CSPP1: variants seen among roughly 807,000 people sequenced by gnomAD.
CSPP1 encodes the protein centrosome and spindle pole associated protein 1, also known as centrosome and spindle pole-associated protein 1.
In CSPP1, 126 loss-of-function variants were observed where a neutral mutation model predicts 164.4. The observed-to-expected ratio is 0.77, with a 90% CI of 0.66 to 0.89. CSPP1 has a LOEUF of 0.89. Among genes scored for constraint, CSPP1 ranks in the 40% least tolerant of loss-of-function variants. CSPP1 has a pLI of 0.00. For missense variants in CSPP1, 1,395 were observed against 1,449.8 expected (o/e 0.96, Z 0.61); for synonymous variants, 472 against 476.7 (o/e 0.99, Z 0.13).
In CSPP1 at chr8:67,158,459, A is replaced by T; in HGVS notation, c.2254A>T (p.Lys752Ter). 6.3e-7 allele frequency: 1 copy of T among 1,599,214 alleles called. No individual in the cohort carries two copies. The highest frequency in any genetic ancestry group is 8.5e-7 in the Non-Finnish European group (1 of 1,174,424). The change falls in exon 20 of 31, where the codon AAA becomes TAA. Residue 752 changes from lysine (K) to a stop codon, truncating the protein, a stop_gained. Coordinates refer to ENST00000678616, the MANE Select transcript of CSPP1 (RefSeq NM_001382391.1). LOFTEE classifies it high-confidence loss of function. ...NFLRFQIEEK[K>*]QREEAERERL... is the part of the protein sequence containing the mutation. ...TTTAATTCTTTAGATTGAGGAAAAGAAACAAAGAGAGGAAGCAGAGCGAGA... is the reference window on the plus strand; with the variant it reads ...TTTAATTCTTTAGATTGAGGAAAAGTAACAAAGAGAGGAAGCAGAGCGAGA...
chr8:67,127,883 C>T (rs568969816), intron 15 of CSPP1, among the ~76,000 whole-genome samples: 7 of 152,278 alleles, frequency 4.6e-5, no homozygotes, highest in African/African-American at 1.7e-4. Flanking sequence ...TCTTACAAAC[C>T]AATGACTTTC....
Position 67,074,300 on chromosome 8 carries a change from G to A in CSPP1, c.48G>A (p.Leu16=). Residue 16 remains leucine, a synonymous_variant, in exon 2 of 31, where the codon TTG becomes TTA. Transcript: ENST00000678616. ...TTATTGAAGAGCAAAAAGCCAGATT[G>A]GCCGAAGACAAAGCAGAGTTGGAAA... ...DEFIEEQKAR[L]AEDKAELESD... is the part of the protein sequence containing the mutation. 6.2e-7 allele frequency: 1 copy of A among 1,611,034 alleles called. No individual in the cohort carries two copies. Among genetic ancestry groups the A allele is most frequent in the Non-Finnish European group, 8.5e-7 (1 of 1,178,620 alleles).
intron 15 of CSPP1, among the ~76,000 whole-genome samples, chr8:67,119,190 T>C (rs1476253813): frequency 7.2e-5 from 11 of 152,218 alleles, no homozygotes; most frequent in Admixed American, 5.2e-4. Flanking sequence ...ATCCGTCTTT[T>C]AGCATATTTC....
At chr8:67,191,201 G>A (rs1836136890) in intron 29 of CSPP1, among the ~76,000 whole-genome samples, 1 of 152,180 alleles carries the variant, frequency 6.6e-6, no homozygotes, top group Non-Finnish European at 1.5e-5. Context: ...CTGCTCCCCA[G>A]CTTTACAATA....
intron 15 of CSPP1, among the ~76,000 whole-genome samples, chr8:67,126,737 A>G (rs1301175339): frequency 2.0e-5 from 3 of 152,164 alleles, no homozygotes; most frequent in Non-Finnish European, 4.4e-5. Flanking sequence ...GAGCTTTTCA[A>G]GACCCCATGG....
chr8:67,064,401 G>A lies in CSPP1; in HGVS notation c.-148G>A, dbSNP rs1440175581. ...GAGCCCCGGCCCGGAGGTCTGTCATGCTGTTCCCGCTCCAGGTGGCCGCTG... is the reference window on the plus strand; with the variant it reads ...GAGCCCCGGCCCGGAGGTCTGTCATACTGTTCCCGCTCCAGGTGGCCGCTG... On this transcript the variant is annotated 5_prime_UTR_variant, in exon 1 of 31. The change abolishes an upstream ATG in the 5' untranslated region. Transcript: ENST00000678616. 1 of 1,613,474 alleles carries A rather than the reference G, an allele frequency of 6.2e-7. No homozygotes were observed. The highest frequency in any genetic ancestry group is 1.7e-5 in the Admixed American group (1 of 60,006).
intron 15 of CSPP1, among the ~76,000 whole-genome samples, chr8:67,121,008 T>G (rs1586271334): frequency 6.6e-6 from 1 of 151,868 alleles, no homozygotes; most frequent in East Asian, 1.9e-4. Flanking sequence ...CGTGCACCAC[T>G]ATGCCCGGCT....
At chr8:67,127,176 C>T (rs1287053138) in intron 15 of CSPP1, among the ~76,000 whole-genome samples, 1 of 152,178 alleles carries the variant, frequency 6.6e-6, no homozygotes, top group Non-Finnish European at 1.5e-5. Context: ...CAAAAACTCT[C>T]CTGGGATTGT....
At chr8:67,104,118 A>G (rs1304544230) in intron 8 of CSPP1, among the ~76,000 whole-genome samples, 2 of 152,202 alleles carry the variant, frequency 1.3e-5, no homozygotes, top group African/African-American at 2.4e-5. Flanking sequence ...AGATAATGTC[A>G]TATGTCAAGA....
At chr8:67,187,517 A>C (rs763633005) in intron 28 of CSPP1, among the ~76,000 whole-genome samples, 6 of 152,066 alleles carry the variant, frequency 3.9e-5, no homozygotes, top group Non-Finnish European at 7.4e-5. Flanking sequence ...CCTTGTCTCT[A>C]CAAAAAAAAT....
chr8:67,189,756 C>A (rs2129574956), intron 28 of CSPP1, among the ~76,000 whole-genome samples: 1 of 152,278 alleles, frequency 6.6e-6, no homozygotes, highest in African/African-American at 2.4e-5. Context: ...TTGGCAATAA[C>A]ATCATCCCCC....
chr8:67,094,697 G>A (rs1409457138), intron 6 of CSPP1, among the ~76,000 whole-genome samples: 1 of 152,054 alleles, frequency 6.6e-6, no homozygotes, highest in Non-Finnish European at 1.5e-5. Flanking sequence ...GAATTTTTAT[G>A]TAATAAGCTT....
intron 7 of CSPP1, among the ~76,000 whole-genome samples, chr8:67,100,334 A>G (rs890530110): frequency 2.6e-5 from 4 of 152,148 alleles, no homozygotes; most frequent in African/African-American, 9.7e-5. Context: ...TGTTTGCTTT[A>G]CTATCTATAT....
intron 3 of CSPP1, among the ~76,000 whole-genome samples, chr8:67,080,644 C>T (rs528370081): frequency 1.3e-5 from 2 of 152,332 alleles, no homozygotes; most frequent in Admixed American, 1.3e-4. Flanking sequence ...TGGGGGTTTC[C>T]CCTATCCCCT....
At chr8:67,070,192 G>T (rs1806433188) in intron 1 of CSPP1, among the ~76,000 whole-genome samples, 1 of 151,906 alleles carries the variant, frequency 6.6e-6, no homozygotes, top group Non-Finnish European at 1.5e-5. Flanking sequence ...AGTCGGGACG[G>T]TGGCTCACAC....
At chr8:67,079,638 A>C (rs1019660585) in intron 3 of CSPP1, among the ~76,000 whole-genome samples, 4 of 152,214 alleles carry the variant, frequency 2.6e-5, no homozygotes, top group Admixed American at 6.5e-5. Flanking sequence ...TGATCATATT[A>C]GTCTCTGCTT....
chr8:67,193,474 G>C lies in CSPP1; in HGVS notation c.3341G>C (p.Arg1114Pro), dbSNP rs775362535. The C allele has an allele frequency of 6.2e-7, 1 of 1,612,762 alleles. No homozygotes were observed. The highest frequency in any genetic ancestry group is 8.5e-7 in the Non-Finnish European group (1 of 1,178,970). Residue 1114 changes from arginine (R) to proline (P), a missense_variant, in exon 30 of 31, where the codon CGT (arginine) becomes CCT (proline). Coordinates refer to ENST00000678616, the MANE Select transcript of CSPP1 (RefSeq NM_001382391.1). ...GTTTTCTAACTACAGGATAGCAGTC[G>C]TCCTAATGTAGCACCAGATGGTCTC... ...KWKGLDIDSS[R>P]PNVAPDGLSL...
intron 25 of CSPP1, chr8:67,174,084 G>A (rs975459594): frequency 3.9e-5 from 6 of 152,082 alleles, no homozygotes; most frequent in African/African-American, 1.4e-4. Flanking sequence ...GTGTAAAAAA[G>A]ATCTTGAGAC....
intron 6 of CSPP1, among the ~76,000 whole-genome samples, chr8:67,094,638 A>G (rs1056297142): frequency 6.6e-6 from 1 of 152,120 alleles, no homozygotes; most frequent in Admixed American, 6.5e-5. Context: ...AATGTTGCCT[A>G]GGCTGGTCTT....
Sources: allele counts gnomAD v4.1 joint callset (sites outside exome capture counted in the v4.1 genomes callset), GRCh38; gene constraint gnomAD v4.1.1; transcripts MANE v1.5; gene names NCBI Gene and HGNC (gene_info 2026-07-23, HGNC 2026-07-21).